Variants in RALGPS1 observed in about 807,000 individuals in gnomAD.
RALGPS1 encodes the protein Ral GEF with PH domain and SH3 binding motif 1, also known as ras-specific guanine nucleotide-releasing factor RalGPS1.
A neutral mutation model predicts 78.8 loss-of-function variants in RALGPS1; 19 were observed. The observed-to-expected ratio is 0.24, with a 90% CI of 0.17 to 0.35. The LOEUF (loss-of-function observed/expected upper bound fraction) is 0.35, where lower values mean the gene tolerates loss of function less well. Ranked by LOEUF, RALGPS1 falls within the 10% of genes least tolerant of loss-of-function variation. The probability of loss-of-function intolerance (pLI) is 1.00; values close to 1 mark genes in which losing one functional copy is unlikely to be tolerated. For synonymous variants in RALGPS1, 228 were observed against 256.3 expected, an observed-to-expected ratio of 0.89 and a Z score of 1.06; for missense variants, 454 against 688.3, an observed-to-expected ratio of 0.66 and a Z score of 3.81.
At chr9:127,074,348 C>A (rs1431227637) in intron 8 of RALGPS1, among the ~76,000 whole-genome samples, 1 of 152,098 alleles carries the variant, frequency 6.6e-6, no homozygotes, top group African/African-American at 2.4e-5. Flanking sequence ...TTTTTTCATG[C>A]TTTTGCATCT....
intron 4 of RALGPS1, among the ~76,000 whole-genome samples, chr9:127,000,572 G>T (rs2043203514): frequency 1.4e-5 from 1 of 71,050 alleles, no homozygotes; most frequent in African/African-American, 4.8e-5. Flanking sequence ...TTTTGAGATG[G>T]AGTTTCACTC....
chr9:127,168,741 C>T lies in RALGPS1; in HGVS notation c.811C>T (p.Leu271Phe). 1 of 1,613,492 alleles carries T rather than the reference C, an allele frequency of 6.2e-7. No homozygotes were observed. The highest frequency in any genetic ancestry group is 8.5e-7 in the Non-Finnish European group (1 of 1,179,374). Reference protein sequence around the residue: ...YLKSVRYIEELQKFVEDDNYK... With the variant: ...YLKSVRYIEEFQKFVEDDNYK... ...GAAGTCCGTACGCTACATTGAAGAG[C>T]TCCAGAAGTTTGTGGAAGACGACAA... The change falls in exon 10 of 19, where the codon CTC becomes TTC. Residue 271 changes from leucine (L) to phenylalanine (F), a missense_variant. Coordinates refer to ENST00000259351, the MANE Select transcript of RALGPS1 (RefSeq NM_014636.3).
At chr9:126,925,956 C>T (rs953144471) in intron 1 of RALGPS1, among the ~76,000 whole-genome samples, 4 of 152,220 alleles carry the variant, frequency 2.6e-5, no homozygotes, top group Non-Finnish European at 5.9e-5. Context: ...GGCTAAAGCA[C>T]TGAGAGCAAG....
intron 8 of RALGPS1, among the ~76,000 whole-genome samples, chr9:127,090,301 G>T (rs1029232027): frequency 6.6e-6 from 1 of 152,346 alleles, no homozygotes; most frequent in African/African-American, 2.4e-5. Context: ...TAAGGAGGTG[G>T]CCCTCCAGAA....
intron 14 of RALGPS1, among the ~76,000 whole-genome samples, chr9:127,204,563 G>T (rs1339220235): frequency 6.6e-6 from 1 of 152,118 alleles, no homozygotes; most frequent in African/African-American, 2.4e-5. Context: ...CTGGAGTGAT[G>T]GCAAATTTCT....
chr9:127,019,397 G>A (rs556777895), intron 4 of RALGPS1, among the ~76,000 whole-genome samples: 5 of 151,816 alleles, frequency 3.3e-5, no homozygotes, highest in Admixed American at 2.0e-4. Flanking sequence ...GTGCAATCTC[G>A]GCTCACTGCA....
chr9:127,149,562 C>T (rs999479704), intron 8 of RALGPS1, among the ~76,000 whole-genome samples: 3 of 152,236 alleles, frequency 2.0e-5, no homozygotes, highest in African/African-American at 7.2e-5. Flanking sequence ...AGGACATCTG[C>T]CCCCTCTGAG....
intron 2 of RALGPS1, among the ~76,000 whole-genome samples, chr9:126,964,868 G>A (rs1266655430): frequency 1.3e-5 from 2 of 152,154 alleles, no homozygotes; most frequent in African/African-American, 4.8e-5. Flanking sequence ...TGGAAAGAGT[G>A]AAATAAAGAA....
chr9:126,955,561 A>T (rs746036709), intron 1 of RALGPS1, among the ~76,000 whole-genome samples: 1 of 152,220 alleles, frequency 6.6e-6, no homozygotes, highest in Non-Finnish European at 1.5e-5. Flanking sequence ...AATAATAAAG[A>T]TATATATTCC....
intron 11 of RALGPS1, among the ~76,000 whole-genome samples, chr9:127,190,258 T>C (rs1038565398): frequency 6.6e-6 from 1 of 152,264 alleles, no homozygotes; most frequent in African/African-American, 2.4e-5. Context: ...TTGACCTAAG[T>C]GGCATAATGC....
At chr9:126,920,880 C>T (rs1010605916) in intron 1 of RALGPS1, among the ~76,000 whole-genome samples, 2 of 152,108 alleles carry the variant, frequency 1.3e-5, no homozygotes, top group African/African-American at 2.4e-5. Context: ...GTTTCAGGCT[C>T]GGGGCCAGGC....
chr9:127,182,554 C>G (rs569722205), intron 11 of RALGPS1, among the ~76,000 whole-genome samples: 1 of 151,724 alleles, frequency 6.6e-6, no homozygotes, highest in Non-Finnish European at 1.5e-5. Flanking sequence ...CTCAGCCTCC[C>G]GAGTAGCTGG....
chr9:127,212,833 A>C lies in RALGPS1; in HGVS notation c.1447-111A>C. ...GATCTGTGTGAACTGCGGAGGATGC[A>C]GGTGGGAAGGCGGCAGGGGAGGGAG... is the stretch of plus-strand genomic sequence containing the variant. On this transcript the variant is annotated intron_variant, in intron 16 of 18. Transcript: ENST00000259351. The surrounding 1 kb of genome is among the most constrained non-coding windows in gnomAD (Gnocchi z 6.0). 6.4e-7 allele frequency: 1 copy of C among 1,556,892 alleles called. No individual in the cohort carries two copies. The highest frequency in any genetic ancestry group is 1.1e-5 in the South Asian group (1 of 87,364).
chr9:127,079,257 C>T (rs367771799), intron 8 of RALGPS1, among the ~76,000 whole-genome samples: 3 of 152,160 alleles, frequency 2.0e-5, no homozygotes, highest in Admixed American at 6.5e-5. Context: ...CTTCTACTGA[C>T]GCATTCTTAT....
intron 8 of RALGPS1, among the ~76,000 whole-genome samples, chr9:127,163,556 A>G (rs1484400083): frequency 1.3e-5 from 2 of 152,250 alleles, no homozygotes; most frequent in East Asian, 1.9e-4. Flanking sequence ...AACAATGTGC[A>G]TCTATTTTAA....
At chr9:126,965,393 GCCT>G (rs1254379294) in intron 2 of RALGPS1, among the ~76,000 whole-genome samples, 1 of 152,198 alleles carries the variant, frequency 6.6e-6, no homozygotes, top group Non-Finnish European at 1.5e-5. Context: ...GTCTCCTCAG[GCCT>G]CCTAAGACAT....
rs79106261 is a variant in RALGPS1, at chr9:127,135,370, A to G, written c.611-30699A>G. On this transcript the variant is annotated intron_variant, in intron 8 of 18. Transcript: ENST00000259351. ...TGGAGCCAAGAAGTTACTGTGGTTCATGTGAAGGGGCACAGAGGCTGGAGA... is the reference window on the plus strand; with the variant it reads ...TGGAGCCAAGAAGTTACTGTGGTTCGTGTGAAGGGGCACAGAGGCTGGAGA... Among the ~76,000 whole-genome samples the G allele has an allele frequency of 1.8e-4, 28 of 152,324 alleles. No homozygotes were observed. The East Asian group carries it at 5.0e-3, about 27-fold the overall frequency.
chr9:127,154,545 A>T (rs941206076), intron 8 of RALGPS1, among the ~76,000 whole-genome samples: 1 of 152,262 alleles, frequency 6.6e-6, no homozygotes, highest in Non-Finnish European at 1.5e-5. Context: ...TAAAGAATTT[A>T]CTTTGAGGAA....
At chr9:127,157,835 T>C (rs2058788320) in intron 8 of RALGPS1, among the ~76,000 whole-genome samples, 1 of 152,178 alleles carries the variant, frequency 6.6e-6, no homozygotes, top group African/African-American at 2.4e-5. Flanking sequence ...GTTGTCTTGC[T>C]TTATCACATT....
Sources: gnomAD v4.1 joint callset for allele counts (sites outside exome capture counted in the v4.1 genomes callset) on GRCh38, gnomAD v4.1.1 for gene constraint, Gnocchi (gnomAD v3.1) non-coding constraint, MANE v1.5 for transcripts, NCBI Gene and HGNC (gene_info 2026-07-23, HGNC 2026-07-21) for gene names.